The following MAGI1 variants were observed in gnomAD, a reference collection of about 807,000 sequenced individuals.
MAGI1 encodes the protein membrane-associated guanylate kinase, WW and PDZ domain-containing protein 1.
In MAGI1, 58 loss-of-function variants were observed where a neutral mutation model predicts 139.9. The observed-to-expected ratio is 0.41, with a 90% CI of 0.34 to 0.52. The LOEUF is 0.52. MAGI1 is among the 20% of genes least tolerant of loss of function. MAGI1 has a pLI of 0.12. For synonymous variants in MAGI1, 812 were observed against 737.9 expected, an observed-to-expected ratio of 1.10 and a Z score of -1.63; for missense variants, 1,874 against 1,901.6, an observed-to-expected ratio of 0.99 and a Z score of 0.27.
At chr3:65,398,535 G>T (rs899760284) in intron 13 of MAGI1, among the ~76,000 whole-genome samples, 1 of 152,010 alleles carries the variant, frequency 6.6e-6, no homozygotes, top group Non-Finnish European at 1.5e-5. Context: ...GAGAAGAGTT[G>T]GGAAATGAAT....
At chr3:65,642,663 T>C (rs1199168564) in intron 1 of MAGI1, among the ~76,000 whole-genome samples, 4 of 152,324 alleles carry the variant, frequency 2.6e-5, no homozygotes, top group African/African-American at 9.6e-5. Flanking sequence ...TCCTTTTTCT[T>C]GATAAAAAGA....
At chr3:65,751,931 C>A (rs550056278) in intron 1 of MAGI1, among the ~76,000 whole-genome samples, 1 of 151,990 alleles carries the variant, frequency 6.6e-6, no homozygotes, top group Non-Finnish European at 1.5e-5. Flanking sequence ...TTAAAGATAT[C>A]GTCTGATTTT....
At chr3:65,968,362 G>C (rs1290574330) in intron 1 of MAGI1, among the ~76,000 whole-genome samples, 2 of 152,122 alleles carry the variant, frequency 1.3e-5, no homozygotes, top group Non-Finnish European at 1.5e-5. Flanking sequence ...AGTCTGAAAA[G>C]AACCTTAATG....
intron 1 of MAGI1, among the ~76,000 whole-genome samples, chr3:65,789,886 G>A (rs1385910764): frequency 6.6e-6 from 1 of 152,136 alleles, no homozygotes; most frequent in Admixed American, 6.6e-5. Flanking sequence ...TCTTTGTTCT[G>A]TTTTCCACAA....
chr3:66,033,595 A>G (rs1212122826), intron 1 of MAGI1, among the ~76,000 whole-genome samples: 1 of 152,182 alleles, frequency 6.6e-6, no homozygotes, highest in Non-Finnish European at 1.5e-5. Flanking sequence ...AATCAAAACA[A>G]TACCAAAACA....
Position 65,599,172 on chromosome 3 carries a change from G to A in MAGI1, c.430+22800C>T, listed in dbSNP as rs78051305. Among the ~76,000 whole-genome samples, 8 of 152,214 alleles carry A rather than the reference G, an allele frequency of 5.3e-5. No individual in the cohort carries two copies. The East Asian group carries it at 1.5e-3, about 29-fold the overall frequency. ...GGAAGCAAGGGCATACCTCTTTCTGGGGTATGTTGGGGGAGGCAATGCAGA... is the reference window on the plus strand; with the variant it reads ...GGAAGCAAGGGCATACCTCTTTCTGAGGTATGTTGGGGGAGGCAATGCAGA... On this transcript the variant is annotated intron_variant, in intron 2 of 22. Transcript: ENST00000402939.
chr3:65,984,568 C>T (rs1401159917), intron 1 of MAGI1, among the ~76,000 whole-genome samples: 1 of 149,026 alleles, frequency 6.7e-6, no homozygotes, highest in East Asian at 2.0e-4. Flanking sequence ...CTCACTCTAT[C>T]GCCCAGGCTG....
At chr3:65,984,615 A>G (rs1328891575) in intron 1 of MAGI1, among the ~76,000 whole-genome samples, 1 of 149,602 alleles carries the variant, frequency 6.7e-6, no homozygotes, top group Non-Finnish European at 1.5e-5. Flanking sequence ...CTGCAGCTTC[A>G]GCCTCCCCAG....
intron 1 of MAGI1, among the ~76,000 whole-genome samples, chr3:65,639,432 G>A (rs1480219738): frequency 3.3e-5 from 5 of 152,126 alleles, no homozygotes; most frequent in African/African-American, 1.2e-4. Flanking sequence ...AGGAGTCAGG[G>A]GGCCTGGATT....
At chr3:65,570,101 A>G (rs1208411223) in intron 2 of MAGI1, among the ~76,000 whole-genome samples, 3 of 146,086 alleles carry the variant, frequency 2.1e-5, no homozygotes, top group East Asian at 4.0e-4. Context: ...TATTATTATT[A>G]TTATTATTAT....
chr3:65,851,748 C>CAA, intron 1 of MAGI1, among the ~76,000 whole-genome samples: 2 of 147,738 alleles, frequency 1.4e-5, no homozygotes, highest in African/African-American at 5.0e-5. Flanking sequence ...GTCTCTGTCT[C>CAA]AAAAAAAAAA....
intron 1 of MAGI1, among the ~76,000 whole-genome samples, chr3:65,730,898 C>G (rs938210975): frequency 6.8e-6 from 1 of 146,128 alleles, no homozygotes; most frequent in Admixed American, 6.7e-5. Flanking sequence ...TCCCCACCCC[C>G]CCGGGGTTTT....
chr3:65,616,002 C>A (rs7612636), intron 2 of MAGI1, among the ~76,000 whole-genome samples: 31 of 152,034 alleles, frequency 2.0e-4, no homozygotes, highest in Middle Eastern at 3.4e-3. Context: ...AATCAAAAGC[C>A]TAAGAATTCG....
chr3:65,950,954 GAAAGA>G (rs1163876924), intron 1 of MAGI1, among the ~76,000 whole-genome samples: 2 of 122,128 alleles, frequency 1.6e-5, no homozygotes, highest in African/African-American at 6.3e-5. Context: ...TTGGTGAGAA[GAAAGA>G]GAAGGAAGGA....
intron 10 of MAGI1, 57 bp downstream of exon 10, chr3:65,437,098 A>T (rs971828403): frequency 3.9e-6 from 5 of 1,285,782 alleles, no homozygotes; most frequent in Non-Finnish European, 5.5e-6. Flanking sequence ...AAATACCTTA[A>T]AAAAAATTAG....
At chr3:65,458,152 A>G (rs562440190) in intron 5 of MAGI1, among the ~76,000 whole-genome samples, 1 of 152,114 alleles carries the variant, frequency 6.6e-6, no homozygotes, top group Non-Finnish European at 1.5e-5. Flanking sequence ...ATGGCAGAAC[A>G]GTACTTCATT....
chr3:65,869,477 T>C (rs1481933557), intron 1 of MAGI1, among the ~76,000 whole-genome samples: 2 of 149,616 alleles, frequency 1.3e-5, no homozygotes, highest in Non-Finnish European at 3.0e-5. Context: ...CTCCACTCAC[T>C]GCAAGCTCCA....
intron 2 of MAGI1, among the ~76,000 whole-genome samples, chr3:65,601,101 T>C (rs373569771): frequency 5.0e-4 from 76 of 152,330 alleles, no homozygotes; most frequent in South Asian, 2.7e-3. Context: ...GTATTATTAC[T>C]GGCACATCAA....
intron 1 of MAGI1, among the ~76,000 whole-genome samples, chr3:65,876,204 C>A (rs2060110304): frequency 6.6e-6 from 1 of 151,878 alleles, no homozygotes; most frequent in South Asian, 2.1e-4. Flanking sequence ...TGTCTGTGGT[C>A]CCAGCTACTC....
Sources: allele counts gnomAD v4.1 joint callset (sites outside exome capture counted in the v4.1 genomes callset), GRCh38; gene constraint gnomAD v4.1.1; transcripts MANE v1.5; gene names NCBI Gene and HGNC (gene_info 2026-07-23, HGNC 2026-07-21).